The following SEMA6D variants were observed in gnomAD, a reference collection of about 807,000 sequenced individuals.
SEMA6D encodes the protein semaphorin 6D, also known as semaphorin-6D.
Under a neutral mutation model 106.6 loss-of-function variants are expected in SEMA6D, and 35 were observed. The observed-to-expected ratio is 0.33, with a 90% CI of 0.25 to 0.44. The LOEUF is 0.44. Ranked by LOEUF, SEMA6D falls within the 20% of genes least tolerant of loss-of-function variation. SEMA6D has a pLI of 1.00. For synonymous variants in SEMA6D, 499 were observed against 487.7 expected, an observed-to-expected ratio of 1.02 and a Z score of -0.31; for missense variants, 1,185 against 1,345.9, an observed-to-expected ratio of 0.88 and a Z score of 1.87.
At chr15:47,642,201 G>T (rs2077501132) in intron 4 of SEMA6D, among the ~76,000 whole-genome samples, 1 of 152,184 alleles carries the variant, frequency 6.6e-6, no homozygotes, top group African/African-American at 2.4e-5. Context: ...TGTTAAAGTG[G>T]ATTCTGAATC....
At chr15:47,189,008 A>G (rs1041914915) in intron 1 of SEMA6D, among the ~76,000 whole-genome samples, 2 of 152,188 alleles carry the variant, frequency 1.3e-5, no homozygotes, top group African/African-American at 4.8e-5. Flanking sequence ...CTATTATAGC[A>G]CCAATCAGAA....
At chr15:47,597,890 A>C in intron 3 of SEMA6D, among the ~76,000 whole-genome samples, 1 of 150,142 alleles carries the variant, frequency 6.7e-6, no homozygotes, top group Non-Finnish European at 1.5e-5. Context: ...AAATAACATC[A>C]CTGTGTACCC....
intron 1 of SEMA6D, among the ~76,000 whole-genome samples, chr15:47,285,796 G>A (rs1282251555): frequency 6.6e-6 from 1 of 152,150 alleles, no homozygotes; most frequent in Admixed American, 6.5e-5. Context: ...CATTGCACAG[G>A]TTCCCACCCT....
intron 1 of SEMA6D, among the ~76,000 whole-genome samples, chr15:47,381,522 T>C (rs1366497560): frequency 6.6e-6 from 1 of 152,150 alleles, no homozygotes; most frequent in Non-Finnish European, 1.5e-5. Flanking sequence ...CCTGGGGATA[T>C]TCCAATAAAG....
At chr15:47,425,858 T>G (rs1049345848) in intron 2 of SEMA6D, among the ~76,000 whole-genome samples, 11 of 151,966 alleles carry the variant, frequency 7.2e-5, no homozygotes, top group African/African-American at 2.4e-4. Flanking sequence ...GGAAACAAAT[T>G]TATTCTCTTC....
chr15:47,238,032 T>C (rs1208498783), intron 1 of SEMA6D, among the ~76,000 whole-genome samples: 1 of 151,956 alleles, frequency 6.6e-6, no homozygotes, highest in African/African-American at 2.4e-5. Flanking sequence ...TGCGCATTTA[T>C]TGATAATGAT....
At chr15:47,563,743 A>G (rs2046146876) in intron 3 of SEMA6D, among the ~76,000 whole-genome samples, 1 of 152,230 alleles carries the variant, frequency 6.6e-6, no homozygotes, top group African/African-American at 2.4e-5. Flanking sequence ...GTGTTCTAGG[A>G]CCATAACTGA....
At chr15:47,682,312 T>C (rs1048792564) in intron 4 of SEMA6D, among the ~76,000 whole-genome samples, 4 of 151,952 alleles carry the variant, frequency 2.6e-5, no homozygotes, top group African/African-American at 9.7e-5. Context: ...GGACTACAGG[T>C]GCCCGCCACC....
chr15:47,676,081 C>T (rs2078239748), intron 4 of SEMA6D, among the ~76,000 whole-genome samples: 1 of 152,180 alleles, frequency 6.6e-6, no homozygotes, highest in African/African-American at 2.4e-5. Flanking sequence ...CAGTCGGCTC[C>T]AGCAAGACAC....
chr15:47,505,289 A>G (rs2044003398), intron 3 of SEMA6D, among the ~76,000 whole-genome samples: 1 of 152,196 alleles, frequency 6.6e-6, no homozygotes, highest in Non-Finnish European at 1.5e-5. Flanking sequence ...GTCTCCCAGC[A>G]CTTTTGTTCT....
At chr15:47,707,012 C>T (rs1224658) in intron 4 of SEMA6D, among the ~76,000 whole-genome samples, 133,215 of 152,278 alleles carry the variant, frequency 0.87, 59,020 homozygotes, top group Non-Finnish European at 0.95. Context: ...ATATCCTATA[C>T]ATTTCAGGGG....
intron 3 of SEMA6D, among the ~76,000 whole-genome samples, chr15:47,487,898 G>A (rs945771210): frequency 2.6e-5 from 4 of 151,868 alleles, no homozygotes; most frequent in African/African-American, 9.7e-5. Context: ...TTTTATATAT[G>A]CAGCTCTTTC....
chr15:47,303,908 A>T (rs531607149), intron 1 of SEMA6D, among the ~76,000 whole-genome samples: 1 of 152,144 alleles, frequency 6.6e-6, no homozygotes, highest in Non-Finnish European at 1.5e-5. Context: ...TCCTGATGAC[A>T]AAATAAGTTT....
rs185264590 is a variant in SEMA6D, at chr15:47,364,781, C to A, written c.-238-47612C>A. ...TGCCACCCTCCTCCCCATCCCCCAA[C>A]CCAGATTCAGGACACAAATGATTCC... On this transcript the variant is annotated intron_variant, in intron 1 of 19. Coordinates refer to the SEMA6D transcript ENST00000558014. Among the ~76,000 whole-genome samples, 39 of 150,760 alleles carry A rather than the reference C, an allele frequency of 2.6e-4. No homozygotes were observed. In the East Asian group the frequency reaches 7.8e-3, roughly 30 times the overall value.
chr15:47,348,721 C>CAGAG (rs1313096616), intron 1 of SEMA6D, among the ~76,000 whole-genome samples: 6 of 24,628 alleles, frequency 2.4e-4, no homozygotes, highest in African/African-American at 5.9e-4. Context: ...ACACACACCA[C>CAGAG]ACACACAGAG....
intron 1 of SEMA6D, among the ~76,000 whole-genome samples, chr15:47,258,395 A>G (rs1173645219): frequency 6.6e-6 from 1 of 152,224 alleles, no homozygotes; most frequent in Non-Finnish European, 1.5e-5. Context: ...AGAAAAGGCT[A>G]GCATTTGAAT....
intron 3 of SEMA6D, among the ~76,000 whole-genome samples, chr15:47,555,468 T>C (rs2045889333): frequency 6.6e-6 from 1 of 152,246 alleles, no homozygotes; most frequent in South Asian, 2.1e-4. Flanking sequence ...TAATAACTTC[T>C]TGTTTTAACC....
chr15:47,379,539 C>T (rs1283515465), intron 1 of SEMA6D, among the ~76,000 whole-genome samples: 2 of 152,048 alleles, frequency 1.3e-5, no homozygotes, highest in African/African-American at 2.4e-5. Context: ...TGAGATGAGG[C>T]AAATTGAGCC....
intron 1 of SEMA6D, among the ~76,000 whole-genome samples, chr15:47,206,384 G>C (rs762769431): frequency 6.6e-6 from 1 of 152,138 alleles, no homozygotes; most frequent in Non-Finnish European, 1.5e-5. Flanking sequence ...GAAATGAAGT[G>C]GTTTGGACAG....
Sources: allele counts gnomAD v4.1 joint callset (sites outside exome capture counted in the v4.1 genomes callset), GRCh38; gene constraint gnomAD v4.1.1; transcripts MANE v1.5; gene names NCBI Gene and HGNC (gene_info 2026-07-23, HGNC 2026-07-21).